The following PKHD1L1 variants were observed in gnomAD, a reference collection of about 807,000 sequenced individuals.
PKHD1L1 encodes PKHD1 like 1.
PKHD1L1 carries 434 observed loss-of-function variants against 462.9 expected under a neutral mutation model. That is an observed-to-expected ratio of 0.94 (90% CI 0.87 to 1.02). The LOEUF is 1.02. PKHD1L1 is among the 50% of genes least tolerant of loss of function. The probability of loss-of-function intolerance (pLI) is 0.00; values close to 1 mark genes in which losing one functional copy is unlikely to be tolerated. For synonymous variants in PKHD1L1, 1,781 were observed against 1,750.0 expected, an observed-to-expected ratio of 1.02 and a Z score of -0.44; for missense variants, 5,202 against 5,096.1, an observed-to-expected ratio of 1.02 and a Z score of -0.63.
chr8:109,388,816 T>C (rs956465368), intron 7 of PKHD1L1, among the ~76,000 whole-genome samples: 1 of 152,148 alleles, frequency 6.6e-6, no homozygotes, highest in Admixed American at 6.6e-5. Flanking sequence ...ATTATTTCAT[T>C]TGGCAGTATC....
intron 12 of PKHD1L1, 97 bp downstream of exon 12, chr8:109,398,645 T>A: frequency 2.0e-6 from 1 of 500,466 alleles, no homozygotes. Context: ...TTAGAATTTG[T>A]AGTAAGAATT....
At chr8:109,426,191 A>C (rs1355644253) in intron 24 of PKHD1L1, among the ~76,000 whole-genome samples, 2 of 151,756 alleles carry the variant, frequency 1.3e-5, no homozygotes, top group Admixed American at 6.6e-5. Flanking sequence ...TATATTCATG[A>C]CTTATAGGTT....
chr8:109,430,069 G>A, intron 27 of PKHD1L1, 32 bp downstream of exon 27: 1 of 1,395,194 alleles, frequency 7.2e-7, no homozygotes, highest in Non-Finnish European at 9.9e-7. Flanking sequence ...TATACTGGGT[G>A]TGAAAGATAA....
rs191803615 is a variant in PKHD1L1 at position 109,411,237 on chromosome 8, A to T, written c.2086-1028A>T. 2.0e-5 allele frequency among the ~76,000 whole-genome samples: 3 copies of T among 152,298 alleles called. No individual in the cohort carries two copies. In the South Asian group the frequency reaches 6.2e-4, roughly 32 times the overall value. On this transcript the variant is annotated intron_variant, in intron 19 of 77. Transcript: ENST00000378402. Reference sequence around the variant, plus strand: ...ATTTTCTTTAATATAGAGTAAAGGAAGAAAATTGAATATGTGCTTTCTAAT... The same window carrying T: ...ATTTTCTTTAATATAGAGTAAAGGATGAAAATTGAATATGTGCTTTCTAAT...
chr8:109,376,332 T>A (rs2130379069), intron 2 of PKHD1L1, among the ~76,000 whole-genome samples: 1 of 152,352 alleles, frequency 6.6e-6, no homozygotes, highest in East Asian at 1.9e-4. Flanking sequence ...GTGTGCCATT[T>A]GTTAAGCCCG....
At chr8:109,404,301 A>C (rs572800985) in intron 14 of PKHD1L1, among the ~76,000 whole-genome samples, 188 of 152,260 alleles carry the variant, frequency 1.2e-3, no homozygotes, top group African/African-American at 4.4e-3. Flanking sequence ...ATAAATATTT[A>C]TTGACTAAGC....
At position 109,454,694 on chromosome 8, in the gene PKHD1L1, C is replaced by T. The variant is rs764354554; in HGVS notation, c.6745-29C>T. ...ATTGTGGATTTGGGGTTTTAATTTT[C>T]TGAATGGCATTTGTGACATCTTTTG... On this transcript the variant is annotated intron_variant, in intron 44 of 77. Transcript: ENST00000378402. The T allele has an allele frequency of 3.1e-6, 5 of 1,604,674 alleles. No individual in the cohort carries two copies. The East Asian group carries it at 1.1e-4, about 36-fold the overall frequency.
intron 8 of PKHD1L1, among the ~76,000 whole-genome samples, chr8:109,389,540 G>C (rs1586412254): frequency 7.2e-6 from 1 of 138,358 alleles, no homozygotes; most frequent in Non-Finnish European, 1.6e-5. Flanking sequence ...GTGTGTGTGT[G>C]TGTGTGTTAC....
At position 109,445,042 on chromosome 8, in the gene PKHD1L1, G is replaced by C; in HGVS notation, c.5173G>C (p.Asp1725His). 1 of 1,613,948 alleles carries C rather than the reference G, an allele frequency of 6.2e-7. No homozygotes were observed. Among genetic ancestry groups the C allele is most frequent in the Non-Finnish European group, 8.5e-7 (1 of 1,179,882 alleles). Residue 1725 changes from aspartate (D) to histidine (H), a missense_variant, in exon 38 of 78, where the codon GAT becomes CAT. Around this residue, in one of 3 missense-constraint regions of PKHD1L1, gnomAD observed 4,497 missense variants for 4,336.8 expected, o/e 1.04. Coordinates refer to ENST00000378402, the MANE Select transcript of PKHD1L1 (RefSeq NM_177531.6). ...TGCTGCCCAACAGCTTGTGGATGTA[G>C]ATCTTCTAATACATGGAGTGCCTGC... ...SPAAQQLVDV[D>H]LLIHGVPAQC...
chr8:109,388,761 G>A (rs187595759), intron 7 of PKHD1L1, among the ~76,000 whole-genome samples: 10 of 152,196 alleles, frequency 6.6e-5, no homozygotes, highest in African/African-American at 2.4e-4. Flanking sequence ...GAACTATTTA[G>A]ATTTTTATGA....
At chr8:109,414,363 C>T (rs920509012) in intron 21 of PKHD1L1, among the ~76,000 whole-genome samples, 2 of 152,090 alleles carry the variant, frequency 1.3e-5, no homozygotes, top group African/African-American at 2.4e-5. Context: ...TATACAGTCA[C>T]GTAACCATCA....
At chr8:109,477,582 A>T (rs1038012751) in intron 53 of PKHD1L1, among the ~76,000 whole-genome samples, 186 bp downstream of exon 53, 7 of 152,146 alleles carry the variant, frequency 4.6e-5, no homozygotes, top group African/African-American at 9.7e-5. Flanking sequence ...AAAATGTCTT[A>T]AAAAAATTAT....
At chr8:109,424,188 A>G (rs2130660665) in intron 23 of PKHD1L1, among the ~76,000 whole-genome samples, 1 of 152,260 alleles carries the variant, frequency 6.6e-6, no homozygotes, top group African/African-American at 2.4e-5. Flanking sequence ...ATTGTTCTTA[A>G]ACTTCATATC....
rs145092753 is a variant in PKHD1L1, at chr8:109,433,476, T to C, written c.3340+260T>C. Among the ~76,000 whole-genome samples the C allele has an allele frequency of 6.3e-3, 956 of 152,290 alleles. 5 individuals are homozygous for C. Among genetic ancestry groups the C allele is most frequent in the Non-Finnish European group, 0.011 (725 of 68,018 alleles). ...ATTTTATCCTTTTTCCCCCCTTCAT[T>C]TGGAGGTTACATGAAATCTTTCTTG... On this transcript the variant is annotated intron_variant, in intron 28 of 77. Coordinates refer to ENST00000378402, the MANE Select transcript of PKHD1L1 (RefSeq NM_177531.6).
chr8:109,410,377 G>T (rs1390834862), intron 19 of PKHD1L1, among the ~76,000 whole-genome samples: 1 of 152,148 alleles, frequency 6.6e-6, no homozygotes, highest in African/African-American at 2.4e-5. Flanking sequence ...CATGATGCTG[G>T]CATCTGCTCG....
chr8:109,412,574 TCTGAG>T (rs1458999799), intron 20 of PKHD1L1, among the ~76,000 whole-genome samples, 160 bp downstream of exon 20: 1 of 152,094 alleles, frequency 6.6e-6, no homozygotes, highest in African/African-American at 2.4e-5. Flanking sequence ...GGTTTCCTCT[TCTGAG>T]GATTCTCAAA....
In PKHD1L1 at chr8:109,445,356, C is replaced by T. The variant is rs1563551622; in HGVS notation, c.5487C>T (p.Ser1829=). 1.2e-6 allele frequency: 2 copies of T among 1,613,960 alleles called. No homozygotes were observed. Among genetic ancestry groups the T allele is most frequent in the East Asian group, 2.2e-5 (1 of 44,876 alleles). Residue 1829 remains serine (S), a synonymous_variant, in exon 38 of 78, where the codon AGC becomes AGT. Coordinates refer to ENST00000378402, the MANE Select transcript of PKHD1L1 (RefSeq NM_177531.6). ...KGLALGNLTV[S]SPPVASLSPT... ...TGGCTCTGGGAAACCTGACTGTCAG[C>T]AGCCCCCCAGTAGCATCTCTATCAC...
Position 109,412,302 on chromosome 8 carries a change from A to G in PKHD1L1, c.2123A>G (p.Asp708Gly). The G allele has an allele frequency of 6.2e-7, 1 of 1,613,818 alleles. No individual in the cohort carries two copies. The highest frequency in any genetic ancestry group is 1.7e-5 in the Admixed American group (1 of 60,008). Residue 708 changes from aspartate (D) to glycine (G), a missense_variant, in exon 20 of 78, where the codon GAT (aspartate) becomes GGT (glycine). By Grantham distance (94) the Asp-to-Gly change is moderately conservative. Coordinates refer to ENST00000378402, the MANE Select transcript of PKHD1L1 (RefSeq NM_177531.6). ...INRGQKTAETDAYCGRYSLKN... is the reference protein window; with the variant it reads ...INRGQKTAETGAYCGRYSLKN... ...AGAGGGCAGAAGACAGCTGAAACCGATGCTTACTGTGGTCGTTATTCCCTG... is the reference window on the plus strand; with the variant it reads ...AGAGGGCAGAAGACAGCTGAAACCGGTGCTTACTGTGGTCGTTATTCCCTG...
At chr8:109,449,240 AC>A in intron 39 of PKHD1L1, 97 bp from the exon 40 acceptor site, 2 of 1,206,290 alleles carry the variant, frequency 1.7e-6, no homozygotes, top group South Asian at 3.9e-5. Flanking sequence ...ATTTAATGTA[AC>A]TTACTTTTAA....
Sources: allele counts gnomAD v4.1 joint callset (sites outside exome capture counted in the v4.1 genomes callset), GRCh38; gene constraint gnomAD v4.1.1; regional missense constraint gnomAD v4.1.1; transcripts MANE v1.5; gene names NCBI Gene and HGNC (gene_info 2026-07-23, HGNC 2026-07-21).